The following PITPNM2 variants were observed in gnomAD, a reference collection of about 807,000 sequenced individuals.
PITPNM2 encodes the protein membrane-associated phosphatidylinositol transfer protein 2.
A neutral mutation model predicts 132.2 loss-of-function variants in PITPNM2; 35 were observed. That is an observed-to-expected ratio of 0.26 (90% confidence interval 0.20 to 0.35). The LOEUF (loss-of-function observed/expected upper bound fraction) is 0.35, where lower values mean the gene tolerates loss of function less well. Among genes scored for constraint, PITPNM2 ranks in the 10% least tolerant of loss-of-function variants. PITPNM2 has a pLI of 1.00. For missense variants in PITPNM2, 1,332 were observed against 1,912.0 expected (o/e 0.70, Z 5.66); for synonymous variants, 738 against 799.2 (o/e 0.92, Z 1.29).
rs1183586789 is a variant in PITPNM2 at position 123,097,071 on chromosome 12, T to TC, written c.-96+13313dup. Reference sequence around the variant, plus strand: ...TAATTTATTTTTTTGGTATGGAGTCTCGCTCTTGTCGCCCAGGTTTGAGTG... The same window carrying TC: ...TAATTTATTTTTTTGGTATGGAGTCTCCGCTCTTGTCGCCCAGGTTTGAGTG... On this transcript the variant is annotated intron_variant, in intron 2 of 25. Transcript: ENST00000320201. This position sits in a 1 kb window ranked among gnomAD's most constrained non-coding sequence, Gnocchi z 4.7. Among the ~76,000 whole-genome samples the TC allele has an allele frequency of 3.3e-5, 5 of 152,192 alleles. No homozygotes were observed. Among genetic ancestry groups the TC allele is most frequent in the Non-Finnish European group, 7.3e-5 (5 of 68,034 alleles).
intron 2 of PITPNM2, among the ~76,000 whole-genome samples, chr12:123,039,524 G>A (rs1042008264): frequency 1.3e-5 from 2 of 152,180 alleles, no homozygotes; most frequent in African/African-American, 4.8e-5. Context: ...TAGCATAGAA[G>A]TTGGTTCATT....
At chr12:122,996,936 G>A (rs1189089888) in intron 11 of PITPNM2, 26 bp from the exon 12 acceptor site, 1 of 1,542,482 alleles carries the variant, frequency 6.5e-7, no homozygotes, top group Non-Finnish European at 8.7e-7. Context: ...AGTCAAGAGA[G>A]GGCAGGCGGC....
intron 2 of PITPNM2, among the ~76,000 whole-genome samples, chr12:123,069,247 TA>T (rs775414823): frequency 3.2e-3 from 419 of 129,954 alleles, no homozygotes; most frequent in Middle Eastern, 7.8e-3. Flanking sequence ...ACCTACTCTC[TA>T]AAAAAAAAAA....
At chr12:123,040,759 T>A (rs2040440807) in intron 2 of PITPNM2, among the ~76,000 whole-genome samples, 1 of 152,152 alleles carries the variant, frequency 6.6e-6, no homozygotes, top group African/African-American at 2.4e-5. Flanking sequence ...GATACTTTTT[T>A]AAAAAAAGAT....
chr12:123,027,233 T>C (rs114338175), intron 3 of PITPNM2, among the ~76,000 whole-genome samples: 266 of 152,244 alleles, frequency 1.7e-3, no homozygotes, highest in African/African-American at 6.3e-3. Context: ...TGGTGACTCT[T>C]CATGCTGACT....
intron 1 of PITPNM2, among the ~76,000 whole-genome samples, chr12:123,131,517 A>T (rs1046979952): frequency 6.6e-6 from 1 of 152,194 alleles, no homozygotes; most frequent in Non-Finnish European, 1.5e-5. Context: ...GTGGGTTGTT[A>T]TGGCAGCCCT....
intron 1 of PITPNM2, among the ~76,000 whole-genome samples, chr12:123,140,539 C>T (rs2043483520): frequency 6.6e-6 from 1 of 152,144 alleles, no homozygotes; most frequent in Non-Finnish European, 1.5e-5. Context: ...GGACAAGCCG[C>T]TAGGAACTGT....
At chr12:123,042,148 T>C (rs926805694) in intron 2 of PITPNM2, among the ~76,000 whole-genome samples, 1 of 150,106 alleles carries the variant, frequency 6.7e-6, no homozygotes, top group Non-Finnish European at 1.5e-5. Context: ...GGGCATGGCT[T>C]CCCACCAAGA....
At chr12:123,146,130 G>T (rs1332696368) in intron 1 of PITPNM2, among the ~76,000 whole-genome samples, 2 of 152,036 alleles carry the variant, frequency 1.3e-5, no homozygotes, top group Non-Finnish European at 2.9e-5. Context: ...CATAGAGGGG[G>T]GTAACACACA....
chr12:123,130,621 A>C (rs1200197374), intron 1 of PITPNM2, among the ~76,000 whole-genome samples: 1 of 152,170 alleles, frequency 6.6e-6, no homozygotes, highest in Non-Finnish European at 1.5e-5. Context: ...TCTACTAAAA[A>C]TACAAAAAAT....
intron 3 of PITPNM2, among the ~76,000 whole-genome samples, chr12:123,029,259 GA>G (rs1445450345): frequency 6.6e-6 from 1 of 152,212 alleles, no homozygotes; most frequent in Non-Finnish European, 1.5e-5. Context: ...TGTAAAATGG[GA>G]AACTATGCTC....
intron 3 of PITPNM2, among the ~76,000 whole-genome samples, chr12:123,017,357 G>A (rs1566249919): frequency 6.7e-6 from 1 of 149,926 alleles, no homozygotes; most frequent in Non-Finnish European, 1.5e-5. Flanking sequence ...GGGTGACAGT[G>A]AGACTCCATC....
rs370599231 is a variant in PITPNM2 at position 123,011,891 on chromosome 12, C to T, written c.415+722G>A. On this transcript the variant is annotated intron_variant, in intron 5 of 25. Coordinates refer to ENST00000320201, the MANE Select transcript of PITPNM2 (RefSeq NM_020845.3). ...TGTGCAAGCCACTCATGCTATGACG[C>T]TTTGTTTCGCAGACCCAGGAAATCC... 6.2e-4 allele frequency among the ~76,000 whole-genome samples: 94 copies of T among 152,278 alleles called. 1 individual carries two copies. In the South Asian group the frequency reaches 0.015, roughly 24 times the overall value.
chr12:123,139,772 A>T (rs1292051120), intron 1 of PITPNM2, among the ~76,000 whole-genome samples: 3 of 152,114 alleles, frequency 2.0e-5, no homozygotes, highest in Non-Finnish European at 4.4e-5. Context: ...CCACCTGGAG[A>T]GAAGGGAGGC....
intron 2 of PITPNM2, among the ~76,000 whole-genome samples, chr12:123,040,322 A>C (rs1232213080): frequency 6.6e-6 from 1 of 152,180 alleles, no homozygotes; most frequent in African/African-American, 2.4e-5. Flanking sequence ...TGGTTGCTCA[A>C]CATTGTGAAT....
At position 123,064,190 on chromosome 12, in the gene PITPNM2, C is replaced by T. The variant is rs1242149522; in HGVS notation, c.-95-29505G>A. Among the ~76,000 whole-genome samples, 1 of 152,228 alleles carries T rather than the reference C, an allele frequency of 6.6e-6. No individual in the cohort carries two copies. The highest frequency in any genetic ancestry group is 1.9e-4 in the East Asian group (1 of 5,198). On this transcript the variant is annotated intron_variant, in intron 2 of 25. Transcript: ENST00000320201. This position sits in a 1 kb window ranked among gnomAD's most constrained non-coding sequence, Gnocchi z 4.0. ...CCGTTGCTCACTGTTTCGACCCTCC[C>T]AGCAACGCTGCCAGCAGGCAGACAG...
intron 2 of PITPNM2, among the ~76,000 whole-genome samples, chr12:123,100,216 C>G (rs886964595): frequency 6.6e-5 from 10 of 152,230 alleles, no homozygotes; most frequent in African/African-American, 1.9e-4. Flanking sequence ...AATGCTGCAG[C>G]CTCTCTGGAA....
At chr12:122,990,082 C>T (rs528220366) in intron 17 of PITPNM2, 134 bp from the exon 18 acceptor site, 13 of 717,124 alleles carry the variant, frequency 1.8e-5, no homozygotes, top group South Asian at 1.5e-4. Flanking sequence ...GCCCTCCTCA[C>T]GGATGAACAC....
Position 122,992,459 on chromosome 12 carries a change from C to T in PITPNM2, c.2404+40G>A. On this transcript the variant is annotated intron_variant, in intron 16 of 25. Transcript: ENST00000320201. This position sits in a 1 kb window ranked among gnomAD's most constrained non-coding sequence, Gnocchi z 6.5. ...AGGAGCCAGGGAGCCACGCTTACCC[C>T]ACCTTCCCCCAGAGGAGTGGGGCGG... 1 of 1,571,630 alleles carries T rather than the reference C, an allele frequency of 6.4e-7. No homozygotes were observed.
Sources: allele counts gnomAD v4.1 joint callset (sites outside exome capture counted in the v4.1 genomes callset), GRCh38; gene constraint gnomAD v4.1.1; non-coding constraint Gnocchi (gnomAD v3.1); transcripts MANE v1.5; gene names NCBI Gene and HGNC (gene_info 2026-07-23, HGNC 2026-07-21).